GPC5: variants seen among roughly 807,000 people sequenced by gnomAD.
GPC5 encodes the protein glypican-5.
GPC5 carries 47 observed loss-of-function variants against 53.9 expected under a neutral mutation model. The ratio of observed to expected loss-of-function variants is 0.87; its 90% CI spans 0.69 to 1.11. The LOEUF (loss-of-function observed/expected upper bound fraction) is 1.11, where lower values mean the gene tolerates loss of function less well. Ranked by LOEUF, GPC5 falls within the 50% of genes most tolerant of loss-of-function variation. The pLI, the probability that GPC5 is intolerant of heterozygous loss-of-function variation, is 0.00. For missense variants in GPC5, 748 were observed against 713.1 expected, an observed-to-expected ratio of 1.05 and a Z score of -0.56; for synonymous variants, 286 against 263.3, an observed-to-expected ratio of 1.09 and a Z score of -0.84.
chr13:91,445,475 TA>T (rs1413565071), intron 1 of GPC5, among the ~76,000 whole-genome samples: 1 of 152,114 alleles, frequency 6.6e-6, no homozygotes. Flanking sequence ...TCAGTTTGTT[TA>T]TTTGTTTGTT....
intron 6 of GPC5, among the ~76,000 whole-genome samples, chr13:91,961,495 G>A (rs1387371934): frequency 1.3e-5 from 2 of 151,830 alleles, no homozygotes; most frequent in African/African-American, 2.4e-5. Context: ...GTGTAAATAC[G>A]TGTAAACTTA....
At chr13:92,133,658 A>G (rs1184316902) in intron 6 of GPC5, among the ~76,000 whole-genome samples, 1 of 152,076 alleles carries the variant, frequency 6.6e-6, no homozygotes, top group Admixed American at 6.6e-5. Context: ...TTTCTTTTCT[A>G]TCTTTCAATG....
chr13:92,128,828 T>C (rs986515603), intron 6 of GPC5, among the ~76,000 whole-genome samples: 6 of 152,116 alleles, frequency 3.9e-5, no homozygotes, highest in African/African-American at 1.2e-4. Context: ...CTGTGCGTGG[T>C]GGTGTGCACC....
At chr13:92,054,017 AGTG>A (rs2041052827) in intron 6 of GPC5, among the ~76,000 whole-genome samples, 1 of 146,254 alleles carries the variant, frequency 6.8e-6, no homozygotes, top group African/African-American at 2.5e-5. Flanking sequence ...GGGCAAGAAG[AGTG>A]AAATTCCATT....
At chr13:92,378,445 T>A (rs568202606) in intron 7 of GPC5, among the ~76,000 whole-genome samples, 7 of 152,168 alleles carry the variant, frequency 4.6e-5, no homozygotes, top group Non-Finnish European at 1.0e-4. Context: ...ACAAATACAC[T>A]TTTTAAACAA....
chr13:92,042,390 C>G (rs376673512), intron 6 of GPC5, among the ~76,000 whole-genome samples: 2 of 152,032 alleles, frequency 1.3e-5, no homozygotes, highest in Non-Finnish European at 2.9e-5. Context: ...GGATAAAAAT[C>G]CAACTTGCTA....
intron 7 of GPC5, among the ~76,000 whole-genome samples, chr13:92,445,022 A>G (rs990959583): frequency 3.9e-5 from 6 of 152,150 alleles, no homozygotes; most frequent in Admixed American, 6.5e-5. Flanking sequence ...TTATAAAATT[A>G]TGTATAATCA....
intron 7 of GPC5, among the ~76,000 whole-genome samples, chr13:92,602,392 C>G (rs193056346): frequency 5.2e-4 from 79 of 151,510 alleles, no homozygotes; most frequent in African/African-American, 1.8e-3. Flanking sequence ...AACTAGCTGT[C>G]TAATTTGTTG....
chr13:91,613,451 G>A (rs1052433737), intron 2 of GPC5, among the ~76,000 whole-genome samples: 1 of 152,186 alleles, frequency 6.6e-6, no homozygotes, highest in Non-Finnish European at 1.5e-5. Flanking sequence ...CCCACAACAT[G>A]TGAGAATTAT....
At chr13:92,778,984 CACACAT>C (rs1875922580) in intron 7 of GPC5, among the ~76,000 whole-genome samples, 1 of 151,778 alleles carries the variant, frequency 6.6e-6, no homozygotes, top group African/African-American at 2.4e-5. Context: ...CACACACACA[CACACAT>C]ATATATATAT....
At chr13:91,914,104 G>A (rs936834175) in intron 6 of GPC5, among the ~76,000 whole-genome samples, 1 of 152,124 alleles carries the variant, frequency 6.6e-6, no homozygotes, top group African/African-American at 2.4e-5. Flanking sequence ...CAGCAAAAAA[G>A]TCACAGTTCT....
intron 7 of GPC5, among the ~76,000 whole-genome samples, chr13:92,468,267 A>G (rs1475467097): frequency 6.6e-6 from 1 of 152,148 alleles, no homozygotes; most frequent in East Asian, 1.9e-4. Context: ...AAACAAGCAT[A>G]CAAGCAGCAT....
intron 7 of GPC5, among the ~76,000 whole-genome samples, chr13:92,157,032 G>A (rs1311372087): frequency 2.6e-5 from 4 of 152,048 alleles, no homozygotes; most frequent in East Asian, 1.9e-4. Flanking sequence ...AAGCCTCTCT[G>A]TGCATGAGTA....
At chr13:92,259,890 T>C (rs114881922) in intron 7 of GPC5, among the ~76,000 whole-genome samples, 98 of 152,226 alleles carry the variant, frequency 6.4e-4, no homozygotes, top group African/African-American at 2.0e-3. Flanking sequence ...AGTGGCCCAT[T>C]TGGGAAGAGT....
intron 7 of GPC5, chr13:92,446,602 A>G (rs1400187691): frequency 2.0e-5 from 3 of 152,120 alleles, no homozygotes; most frequent in Non-Finnish European, 4.4e-5. Flanking sequence ...GAGAGTGCAG[A>G]TATCTCTTCG....
At chr13:92,220,819 T>G (rs1263919246) in intron 7 of GPC5, among the ~76,000 whole-genome samples, 1 of 152,194 alleles carries the variant, frequency 6.6e-6, no homozygotes, top group African/African-American at 2.4e-5. Context: ...ATACATTTAT[T>G]CATATATAAA....
At chr13:92,516,197 T>C (rs966914262) in intron 7 of GPC5, among the ~76,000 whole-genome samples, 6 of 152,082 alleles carry the variant, frequency 3.9e-5, no homozygotes, top group African/African-American at 1.4e-4. Flanking sequence ...TTATAATTTT[T>C]AAAATTATGC....
chr13:91,982,712 A>C (rs2040370108), intron 6 of GPC5, among the ~76,000 whole-genome samples: 1 of 152,198 alleles, frequency 6.6e-6, no homozygotes, highest in South Asian at 2.1e-4. Context: ...CACACACCTC[A>C]GAGAGACCAG....
rs181796018 is a variant in GPC5, at chr13:92,838,778, A to T, written c.1562-27504A>T. Among the ~76,000 whole-genome samples, 18 of 152,332 alleles carry T rather than the reference A, an allele frequency of 1.2e-4. No homozygotes were observed. In the East Asian group the frequency reaches 2.5e-3, roughly 21 times the overall value. On this transcript the variant is annotated intron_variant, in intron 7 of 7. Coordinates refer to ENST00000377067, the MANE Select transcript of GPC5 (RefSeq NM_004466.6). ...TCACAGAGAAATTGAGCCTATTTTT[A>T]AAAATGCAAATCATAGAACTAAAAA...
Sources: gnomAD v4.1 joint callset for allele counts (sites outside exome capture counted in the v4.1 genomes callset) on GRCh38, gnomAD v4.1.1 for gene constraint, MANE v1.5 for transcripts, NCBI Gene and HGNC (gene_info 2026-07-23, HGNC 2026-07-21) for gene names.